Variants in TNIK observed in about 807,000 individuals in gnomAD.
The protein encoded by TNIK is TRAF2 and NCK interacting kinase, also known as TRAF2 and NCK-interacting protein kinase.
In TNIK, 49 loss-of-function variants were observed where a neutral mutation model predicts 191.3. That is an observed-to-expected ratio of 0.26 (90% confidence interval 0.20 to 0.32). TNIK has a LOEUF of 0.32. TNIK is among the 10% of genes least tolerant of loss of function. The pLI is 1.00. For synonymous variants in TNIK, 594 were observed against 600.9 expected, an observed-to-expected ratio of 0.99 and a Z score of 0.17; for missense variants, 1,155 against 1,702.3, an observed-to-expected ratio of 0.68 and a Z score of 5.66.
At chr3:171,299,592 T>A (rs986300364) in intron 2 of TNIK, among the ~76,000 whole-genome samples, 1 of 152,208 alleles carries the variant, frequency 6.6e-6, no homozygotes, top group African/African-American at 2.4e-5. Flanking sequence ...TGATGGGATA[T>A]CTTTCTTTTG....
At position 171,291,099 on chromosome 3, in the gene TNIK, T is replaced by C. The variant is rs1288968764; in HGVS notation, c.124-62878A>G. On this transcript the variant is annotated intron_variant, in intron 2 of 32. Coordinates refer to ENST00000436636, the MANE Select transcript of TNIK (RefSeq NM_015028.4). ...TTCACAATCTACTTAGAGTTCATAC[T>C]GCACCACTTCACAGAAAACGTGCAA... Among the ~76,000 whole-genome samples, 3 of 152,184 alleles carry C rather than the reference T, an allele frequency of 2.0e-5. No homozygotes were observed. The East Asian group carries it at 5.8e-4, about 29-fold the overall frequency.
intron 1 of TNIK, among the ~76,000 whole-genome samples, chr3:171,382,759 C>T (rs193251260): frequency 1.7e-3 from 259 of 152,188 alleles, no homozygotes; most frequent in Non-Finnish European, 2.8e-3. Context: ...TGAATGGAGT[C>T]CTCTACTGAC....
At chr3:171,108,239 G>T in intron 19 of TNIK, 77 bp from the exon 20 acceptor site, 1 of 1,151,196 alleles carries the variant, frequency 8.7e-7, no homozygotes, top group Non-Finnish European at 1.2e-6. Flanking sequence ...TGAATTATCT[G>T]TGATGTGTCA....
chr3:171,188,563 T>C, intron 7 of TNIK, 139 bp downstream of exon 7: 1 of 1,028,424 alleles, frequency 9.7e-7, no homozygotes, highest in South Asian at 2.8e-5. Context: ...TTGAATGTCT[T>C]ACAGGTCTTA....
chr3:171,098,100 G>T (rs946662688), intron 22 of TNIK, among the ~76,000 whole-genome samples: 3 of 115,826 alleles, frequency 2.6e-5, no homozygotes, highest in South Asian at 2.9e-4. Context: ...GTGCATAGTG[G>T]CTTCCTTCCA....
intron 22 of TNIK, among the ~76,000 whole-genome samples, chr3:171,100,097 C>T (rs2108444669): frequency 1.3e-5 from 2 of 152,274 alleles, no homozygotes; most frequent in Admixed American, 1.3e-4. Flanking sequence ...TTCTCTCATC[C>T]TGATGCTTGC....
intron 2 of TNIK, among the ~76,000 whole-genome samples, chr3:171,316,922 TA>T (rs111793225): frequency 2.8e-5 from 3 of 106,864 alleles, no homozygotes; most frequent in African/African-American, 8.0e-5. Flanking sequence ...ATATATATCA[TA>T]TAAAATATAT....
rs767582477 is a variant in TNIK at position 171,128,886 on chromosome 3, C to A, written c.1609-8G>T. 9.1e-6 allele frequency: 11 copies of A among 1,202,210 alleles called. No homozygotes were observed. Among genetic ancestry groups the A allele is most frequent in the Admixed American group, 3.7e-5 (1 of 27,052 alleles). The allele number at this position is 1,202,210 out of a possible 1,614,324, so 74.5% of individuals were successfully genotyped here. On this transcript the variant is annotated splice_polypyrimidine_tract_variant and splice_region_variant and intron_variant, in intron 15 of 32. Transcript: ENST00000436636. ...CCTTGACCGTTCTTCTACCTACAACCCAAAAAAAAAAAAAAAAAAAAGACA... is the reference window on the plus strand; with the variant it reads ...CCTTGACCGTTCTTCTACCTACAACACAAAAAAAAAAAAAAAAAAAAGACA...
intron 1 of TNIK, among the ~76,000 whole-genome samples, chr3:171,450,338 T>C (rs1728019101): frequency 6.6e-6 from 1 of 152,256 alleles, no homozygotes; most frequent in South Asian, 2.1e-4. Flanking sequence ...CTTCAGTGTG[T>C]TCCGTACATA....
intron 1 of TNIK, among the ~76,000 whole-genome samples, chr3:171,381,326 T>C (rs1164192671): frequency 6.6e-6 from 1 of 152,192 alleles, no homozygotes; most frequent in Non-Finnish European, 1.5e-5. Flanking sequence ...AGGGGTTTCT[T>C]TACTGCAAGG....
intron 2 of TNIK, among the ~76,000 whole-genome samples, chr3:171,321,284 G>A (rs929761395): frequency 3.3e-5 from 5 of 152,096 alleles, no homozygotes; most frequent in African/African-American, 1.2e-4. Flanking sequence ...GTCAAAGGCA[G>A]CATCTGTTGT....
intron 2 of TNIK, among the ~76,000 whole-genome samples, chr3:171,324,972 G>A (rs1162866086): frequency 6.6e-6 from 1 of 152,074 alleles, no homozygotes; most frequent in Non-Finnish European, 1.5e-5. Context: ...ATGCTGGCGG[G>A]TGCCTGTAGT....
At chr3:171,350,563 A>C (rs577543267) in intron 2 of TNIK, among the ~76,000 whole-genome samples, 4 of 140,956 alleles carry the variant, frequency 2.8e-5, no homozygotes, top group Non-Finnish European at 4.5e-5. Context: ...GAAGTGAAAG[A>C]TTTCCATATA....
rs893739702 is a variant in TNIK, at chr3:171,415,052, C to T, written c.57+44955G>A. 2.6e-5 allele frequency among the ~76,000 whole-genome samples: 4 copies of T among 152,178 alleles called. No homozygotes were observed. In the East Asian group the frequency reaches 7.7e-4, roughly 29 times the overall value. On this transcript the variant is annotated intron_variant, in intron 1 of 32. Coordinates refer to ENST00000436636, the MANE Select transcript of TNIK (RefSeq NM_015028.4). ...TTTCTACCAGGCTCCCCCTTCCTTA[C>T]TGCCCTCCAGTTGCCCAACCCGCTG... is the stretch of plus-strand genomic sequence containing the variant.
chr3:171,175,810 C>G lies in TNIK; in HGVS notation c.695-480G>C, dbSNP rs546734464. Among the ~76,000 whole-genome samples, 22 of 152,272 alleles carry G rather than the reference C, an allele frequency of 1.4e-4. No individual in the cohort carries two copies. In the South Asian group the frequency reaches 4.6e-3, roughly 32 times the overall value. On this transcript the variant is annotated intron_variant, in intron 8 of 32. Coordinates refer to ENST00000436636, the MANE Select transcript of TNIK (RefSeq NM_015028.4). Reference sequence around the variant, plus strand: ...TGTTATCTACACAGATTTTTGGAGTCCAAAACACCAGCCCCAGAGCCCCAT... The same window carrying G: ...TGTTATCTACACAGATTTTTGGAGTGCAAAACACCAGCCCCAGAGCCCCAT...
At chr3:171,147,451 G>GA (rs1553836774) in intron 12 of TNIK, among the ~76,000 whole-genome samples, 2 of 152,164 alleles carry the variant, frequency 1.3e-5, no homozygotes, top group Non-Finnish European at 2.9e-5. Context: ...CGTTGCTAAA[G>GA]TTTTAGTTTT....
intron 1 of TNIK, among the ~76,000 whole-genome samples, chr3:171,438,053 C>T (rs1726243355): frequency 6.6e-6 from 1 of 152,226 alleles, no homozygotes; most frequent in South Asian, 2.1e-4. Context: ...ATAACTGCTG[C>T]ACCTGCACAG....
chr3:171,359,049 G>A (rs892292589), intron 2 of TNIK, among the ~76,000 whole-genome samples: 3 of 152,152 alleles, frequency 2.0e-5, no homozygotes, highest in African/African-American at 7.2e-5. Flanking sequence ...GGTGAAGGTT[G>A]CACAACAATG....
intron 5 of TNIK, among the ~76,000 whole-genome samples, chr3:171,193,085 A>C (rs7614168): frequency 0.49 from 74,675 of 152,030 alleles, 20,018 homozygotes; most frequent in African/African-American, 0.71. Context: ...CTGATAAAAG[A>C]ACCCTTTCCT....
Sources: allele counts gnomAD v4.1 joint callset (sites outside exome capture counted in the v4.1 genomes callset), GRCh38; gene constraint gnomAD v4.1.1; transcripts MANE v1.5; gene names NCBI Gene and HGNC (gene_info 2026-07-23, HGNC 2026-07-21).